LRRC75A: variants seen among roughly 807,000 people sequenced by gnomAD.
LRRC75A encodes leucine rich repeat containing 75A, also known as leucine-rich repeat-containing protein 75A.
Under a neutral mutation model 26.0 loss-of-function variants are expected in LRRC75A, and 12 were observed. The observed-to-expected ratio is 0.46, with a 90% CI of 0.30 to 0.75. LRRC75A has a LOEUF of 0.75. LRRC75A is among the 30% of genes least tolerant of loss of function. The pLI is 0.08. For missense variants in LRRC75A, 410 were observed against 486.6 expected, an observed-to-expected ratio of 0.84 and a Z score of 1.48; for synonymous variants, 223 against 219.3, an observed-to-expected ratio of 1.02 and a Z score of -0.15.
chr17:16,483,907 T>A (rs555996464), intron 1 of LRRC75A, among the ~76,000 whole-genome samples: 104 of 152,358 alleles, frequency 6.8e-4, no homozygotes, highest in Non-Finnish European at 1.2e-3. Context: ...GATTGTTGAA[T>A]AAATGATTTA....
chr17:16,476,807 C>A (rs139014355), intron 1 of LRRC75A, among the ~76,000 whole-genome samples: 408 of 142,204 alleles, frequency 2.9e-3, no homozygotes, highest in African/African-American at 9.9e-3. Flanking sequence ...AGCACAATCT[C>A]GGCTCACTGC....
chr17:16,464,656 T>G (rs1312336792), intron 1 of LRRC75A, among the ~76,000 whole-genome samples: 1 of 152,144 alleles, frequency 6.6e-6, no homozygotes, highest in African/African-American at 2.4e-5. Context: ...TGAGAATGTG[T>G]CAAAAGCCAT....
chr17:16,444,193 G>T, intron 3 of LRRC75A, 62 bp from the exon 4 acceptor site: 1 of 1,358,708 alleles, frequency 7.4e-7, no homozygotes, highest in Non-Finnish European at 9.9e-7. Context: ...CCCAGAAGCT[G>T]CAGTGCCAGC....
At position 16,462,163 on chromosome 17, in the gene LRRC75A, T is replaced by C. The variant is rs939300647; in HGVS notation, c.375+95A>G. The C allele has an allele frequency of 7.2e-7, 1 of 1,386,134 alleles. No individual in the cohort carries two copies. The highest frequency in any genetic ancestry group is 9.8e-7 in the Non-Finnish European group (1 of 1,016,250). The allele number at this position is 1,386,134 out of a possible 1,614,324, so 85.9% of individuals were successfully genotyped here. A position where few individuals can be genotyped will look rare whatever the true frequency, so the allele number is the denominator to read the frequency against. ...GACGGGCTTGTCCTCCTTGGGCCTG[T>C]CTGCCAGTCCTCCTTGGGCATACAG... On this transcript the variant is annotated intron_variant, in intron 2 of 3. Transcript: ENST00000470794. This position sits in a 1 kb window ranked among gnomAD's most constrained non-coding sequence, Gnocchi z 4.6.
rs2093662464 is a variant in LRRC75A, at chr17:16,454,692, A to AAAAT, written c.376-6736_376-6733dup. The stretch of plus-strand genomic sequence containing the variant: ...GGCAACAAGAGCAAAATTCCGTTTT[A>AAAAT]AAATAAATAAATAAATATAATTAAA... On this transcript the variant is annotated intron_variant, in intron 2 of 3. Transcript: ENST00000470794. 5.3e-5 allele frequency among the ~76,000 whole-genome samples: 8 copies of AAAAT among 152,046 alleles called. No individual in the cohort carries two copies. In the South Asian group the frequency reaches 1.7e-3, roughly 32 times the overall value.
chr17:16,454,966 C>T (rs1333520535), intron 2 of LRRC75A, among the ~76,000 whole-genome samples: 1 of 151,336 alleles, frequency 6.6e-6, no homozygotes, highest in Non-Finnish European at 1.5e-5. Context: ...CTTGCTCTGT[C>T]CCCGCCCTCA....
chr17:16,453,793 T>G lies in LRRC75A; in HGVS notation c.376-5833A>C, dbSNP rs189964463. Among the ~76,000 whole-genome samples, 10 of 152,268 alleles carry G rather than the reference T, an allele frequency of 6.6e-5. No individual in the cohort carries two copies. In the East Asian group the frequency reaches 1.9e-3, roughly 29 times the overall value. On this transcript the variant is annotated intron_variant, in intron 2 of 3. Coordinates refer to ENST00000470794, the MANE Select transcript of LRRC75A (RefSeq NM_001113567.3). Reference sequence around the variant, plus strand: ...TTTTTCTGCCCTTCTGCTGCCCTCCTGTCTCTGGCCCTTCTTCTCCCCCAG... The same window carrying G: ...TTTTTCTGCCCTTCTGCTGCCCTCCGGTCTCTGGCCCTTCTTCTCCCCCAG...
At chr17:16,477,488 C>T (rs1193211712) in intron 1 of LRRC75A, among the ~76,000 whole-genome samples, 6 of 152,176 alleles carry the variant, frequency 3.9e-5, no homozygotes, top group Non-Finnish European at 8.8e-5. Context: ...GGAGACCAGG[C>T]GGGATAGAGG....
At chr17:16,464,621 C>T (rs909964524) in intron 1 of LRRC75A, among the ~76,000 whole-genome samples, 4 of 152,320 alleles carry the variant, frequency 2.6e-5, no homozygotes, top group South Asian at 2.1e-4. Context: ...CAGGGGTTCT[C>T]GATCTCCTGG....
chr17:16,445,188 GAC>G (rs2093573082), intron 3 of LRRC75A, among the ~76,000 whole-genome samples: 1 of 78,950 alleles, frequency 1.3e-5, no homozygotes, highest in Non-Finnish European at 2.5e-5. Flanking sequence ...TTTTTTTTGA[GAC>G]AGTCTTGTTC....
intron 1 of LRRC75A, among the ~76,000 whole-genome samples, chr17:16,471,164 T>C (rs1371139101): frequency 6.6e-6 from 1 of 152,128 alleles, no homozygotes; most frequent in African/African-American, 2.4e-5. Flanking sequence ...CAAGTGTTCT[T>C]ACAAGAGACA....
At chr17:16,453,304 A>ACG (rs1347142555) in intron 2 of LRRC75A, among the ~76,000 whole-genome samples, 2 of 135,794 alleles carry the variant, frequency 1.5e-5, no homozygotes, top group African/African-American at 5.9e-5. Context: ...CTAAACACAC[A>ACG]CACACACGCA....
intron 1 of LRRC75A, among the ~76,000 whole-genome samples, chr17:16,466,439 C>T (rs1346494554): frequency 6.6e-6 from 1 of 152,246 alleles, no homozygotes; most frequent in Non-Finnish European, 1.5e-5. Context: ...CCCTCCTGTG[C>T]ACTGTACTAG....
At chr17:16,485,823 C>T (rs1214997220) in intron 1 of LRRC75A, among the ~76,000 whole-genome samples, 3 of 152,218 alleles carry the variant, frequency 2.0e-5, no homozygotes, top group South Asian at 2.1e-4. Context: ...GACCCCACCC[C>T]CTCTGCATCC....
intron 3 of LRRC75A, among the ~76,000 whole-genome samples, chr17:16,445,670 G>C (rs374440967): frequency 6.6e-6 from 1 of 152,224 alleles, no homozygotes; most frequent in Admixed American, 6.5e-5. Context: ...TCCAGCCCCA[G>C]GGAGTTGGAA....
chr17:16,458,436 C>T (rs960339268), intron 2 of LRRC75A, among the ~76,000 whole-genome samples: 26 of 151,908 alleles, frequency 1.7e-4, no homozygotes, highest in Non-Finnish European at 3.5e-4. Context: ...GGCTACAGGG[C>T]GAGTGTGCCG....
At chr17:16,490,487 G>C (rs996389457) in intron 1 of LRRC75A, among the ~76,000 whole-genome samples, 1 of 152,146 alleles carries the variant, frequency 6.6e-6, no homozygotes, top group African/African-American at 2.4e-5. Context: ...GAAGTTGTTG[G>C]GGAAAACAGA....
intron 3 of LRRC75A, among the ~76,000 whole-genome samples, chr17:16,444,958 C>A (rs2093569114): frequency 6.6e-6 from 1 of 150,886 alleles, no homozygotes; most frequent in South Asian, 2.1e-4. Context: ...AAGTGATTCT[C>A]CTGCCTCAGC....
At chr17:16,460,466 A>G (rs920661970) in intron 2 of LRRC75A, among the ~76,000 whole-genome samples, 9 of 152,080 alleles carry the variant, frequency 5.9e-5, no homozygotes, top group African/African-American at 2.2e-4. Flanking sequence ...TCTCTCTGAG[A>G]GGGTGGGTCC....
Sources: allele counts gnomAD v4.1 joint callset (sites outside exome capture counted in the v4.1 genomes callset), GRCh38; gene constraint gnomAD v4.1.1; non-coding constraint Gnocchi (gnomAD v3.1); transcripts MANE v1.5; gene names NCBI Gene and HGNC (gene_info 2026-07-23, HGNC 2026-07-21).